The following CD300E variants were observed in gnomAD, a reference collection of about 807,000 sequenced individuals.
CD300E encodes CMRF35-like molecule 2.
In CD300E, 14 loss-of-function variants were observed where a neutral mutation model predicts 20.9. The observed-to-expected ratio is 0.67, with a 90% CI of 0.44 to 1.05. The LOEUF (loss-of-function observed/expected upper bound fraction) is 1.05. Among genes scored for constraint, CD300E ranks in the 50% least tolerant of loss-of-function variants. The pLI, the probability that CD300E is intolerant of heterozygous loss-of-function variation, is 0.00. For missense variants in CD300E, 237 were observed against 253.9 expected (o/e 0.93, Z 0.45); for synonymous variants, 102 against 103.7 (o/e 0.98, Z 0.10).
In CD300E at chr17:74,610,912, T is replaced by G. The variant is rs1291532767; in HGVS notation, c.*1741A>C. On this transcript the variant is annotated 3_prime_UTR_variant, in exon 4 of 4. Transcript: ENST00000392619. ...ACTTATGCTGTTTCTCTGTCCTCTCTCTCTCCCTGTTGCTCCATCCCTGCT... is the reference window on the plus strand; with the variant it reads ...ACTTATGCTGTTTCTCTGTCCTCTCGCTCTCCCTGTTGCTCCATCCCTGCT... 2 of 152,466 alleles carry G rather than the reference T, an allele frequency of 1.3e-5. No individual in the cohort carries two copies. Among genetic ancestry groups the G allele is most frequent in the African/African-American group, 4.8e-5 (2 of 41,450 alleles). 9.4% of individuals were successfully genotyped at this position (152,466 alleles called of 1,614,324 possible). A position where few individuals can be genotyped will look rare whatever the true frequency, so the allele number is the denominator to read the frequency against.
chr17:74,617,291 C>A lies in CD300E; in HGVS notation c.215G>T (p.Arg72Met). The A allele has an allele frequency of 6.2e-7, 1 of 1,614,248 alleles. No homozygotes were observed. Among genetic ancestry groups the A allele is most frequent in the East Asian group, 2.2e-5 (1 of 44,884 alleles). Reference sequence around the variant, plus strand: ...GTCTCTGATGGACACGCGGCCATTCCTCTCCACCTTCTCTTCTCCCTTGGT... The same window carrying A: ...GTCTCTGATGGACACGCGGCCATTCATCTCCACCTTCTCTTCTCCCTTGGT... ...VETKGEEKVE[R>M]NGRVSIRDHP... Residue 72 changes from arginine (R) to methionine (M), a missense_variant, in exon 2 of 4, where the codon AGG becomes ATG. Transcript: ENST00000392619.
chr17:74,619,608 TCA>T (rs143498126), intron 1 of CD300E, among the ~76,000 whole-genome samples: 4 of 149,912 alleles, frequency 2.7e-5, no homozygotes, highest in Non-Finnish European at 6.0e-5. Context: ...CTCCTCTCAA[TCA>T]CACACACACA....
intron 2 of CD300E, among the ~76,000 whole-genome samples, chr17:74,615,948 T>C (rs533612754): frequency 1.3e-5 from 2 of 151,958 alleles, no homozygotes; most frequent in Non-Finnish European, 2.9e-5. Context: ...TAGCCAGGCA[T>C]GGTAGTGCAC....
chr17:74,610,802 G>C lies in CD300E; in HGVS notation c.*1851C>G, dbSNP rs2030760011. On this transcript the variant is annotated 3_prime_UTR_variant, in exon 4 of 4. Coordinates refer to ENST00000392619, the MANE Select transcript of CD300E (RefSeq NM_181449.3). The stretch of plus-strand genomic sequence containing the variant: ...TAGACACATCCTACCATGAGCATCT[G>C]TATGTGAACAGTACAGTCCATTTGC... 1 of 152,252 alleles carries C rather than the reference G, an allele frequency of 6.6e-6. No homozygotes were observed. Among genetic ancestry groups the C allele is most frequent in the Non-Finnish European group, 1.5e-5 (1 of 68,064 alleles). 9.4% of individuals were successfully genotyped at this position (152,252 alleles called of 1,614,324 possible).
In CD300E at chr17:74,617,396, T is replaced by C. The variant is rs759347354; in HGVS notation, c.110A>G (p.Gln37Arg). 6.2e-7 allele frequency: 1 copy of C among 1,614,144 alleles called. No homozygotes were observed. The highest frequency in any genetic ancestry group is 8.5e-7 in the Non-Finnish European group (1 of 1,180,026). The change falls in exon 2 of 4, where the codon CAG becomes CGG. Residue 37 changes from glutamine (Q) to arginine (R), a missense_variant. Gln to Arg is a conservative substitution (Grantham distance 43). Transcript: ENST00000392619. ...TAGDSLTVWCQYESMYKGYNK... is the reference protein window; with the variant it reads ...TAGDSLTVWCRYESMYKGYNK... ...ATATCCCTTGTACATGCTCTCATAC[T>C]GACACCACACTGTCAGAGAGTCCCC...
chr17:74,619,067 C>T (rs1568035592), intron 1 of CD300E: 1 of 471,154 alleles, frequency 2.1e-6, no homozygotes, highest in Admixed American at 2.4e-5. Context: ...AGCTGCACAC[C>T]CCTCCTGAGA....
rs957638018 is a variant in CD300E at position 74,610,842 on chromosome 17, T to A, written c.*1811A>T. The A allele has an allele frequency of 5.9e-5, 9 of 152,336 alleles. No homozygotes were observed. The highest frequency in any genetic ancestry group is 1.2e-4 in the Non-Finnish European group (8 of 68,088). The allele number at this position is 152,336 out of a possible 1,614,324, so 9.4% of individuals were successfully genotyped here. On this transcript the variant is annotated 3_prime_UTR_variant, in exon 4 of 4. Coordinates refer to ENST00000392619, the MANE Select transcript of CD300E (RefSeq NM_181449.3). ...AGTCCATTTGCTGATAGGTCTTCTATAAGTGACTATTGTTATGAAGATTAT... is the reference window on the plus strand; with the variant it reads ...AGTCCATTTGCTGATAGGTCTTCTAAAAGTGACTATTGTTATGAAGATTAT...
rs1282124508 is a variant in CD300E, at chr17:74,610,638, G to T, written c.*2015C>A. 2 of 152,158 alleles carry T rather than the reference G, an allele frequency of 1.3e-5. No individual in the cohort carries two copies. The highest frequency in any genetic ancestry group is 3.9e-4 in the East Asian group (2 of 5,184). The allele number at this position is 152,158 out of a possible 1,614,324, so 9.4% of individuals were successfully genotyped here. ...CACATCTGCAATCCCATCTTGTTCT[G>T]CTCAAATCCATCCCACCATAGCTAA... On this transcript the variant is annotated 3_prime_UTR_variant, in exon 4 of 4. Coordinates refer to ENST00000392619, the MANE Select transcript of CD300E (RefSeq NM_181449.3).
chr17:74,622,739 C>T (rs577108541), intron 1 of CD300E, among the ~76,000 whole-genome samples: 315 of 38,550 alleles, frequency 8.2e-3, no homozygotes, highest in Non-Finnish European at 0.021. Flanking sequence ...TTGAGGATGG[C>T]ATTTTTTTTT....
intron 2 of CD300E, among the ~76,000 whole-genome samples, chr17:74,616,169 G>C (rs1262275028): frequency 1.3e-5 from 2 of 152,130 alleles, no homozygotes; most frequent in Non-Finnish European, 2.9e-5. Context: ...AGTGATGGGG[G>C]CAATAAATTG....
chr17:74,621,977 C>CT (rs928884848), intron 1 of CD300E, among the ~76,000 whole-genome samples: 6 of 151,948 alleles, frequency 3.9e-5, no homozygotes, highest in Non-Finnish European at 7.4e-5. Flanking sequence ...TTTTACTTTT[C>CT]TTTTTTTGTA....
rs552933181 is a variant in CD300E at position 74,617,993 on chromosome 17, C to T, written c.41-528G>A. 5.3e-5 allele frequency among the ~76,000 whole-genome samples: 8 copies of T among 152,314 alleles called. No individual in the cohort carries two copies. In the South Asian group the frequency reaches 1.7e-3, roughly 32 times the overall value. On this transcript the variant is annotated intron_variant, in intron 1 of 3. Transcript: ENST00000392619. ...GAAGAGGGGTTGTCCCCAAAGGAAG[C>T]CCTGATAAGCTTCTTTACCTGAATT...
intron 2 of CD300E, 36 bp downstream of exon 2, chr17:74,617,082 C>G: frequency 1.9e-6 from 3 of 1,595,444 alleles, no homozygotes; most frequent in Non-Finnish European, 2.6e-6. Flanking sequence ...CCAGTCGCAC[C>G]CCAAACCCTG....
intron 3 of CD300E, among the ~76,000 whole-genome samples, chr17:74,613,117 T>C (rs533419): frequency 0.87 from 131,873 of 152,160 alleles, 57,558 homozygotes; most frequent in African/African-American, 0.94. Context: ...GCTTTTTTTA[T>C]TTTCTGAGAC....
At chr17:74,617,766 G>A (rs1171867093) in intron 1 of CD300E, among the ~76,000 whole-genome samples, 5 of 152,208 alleles carry the variant, frequency 3.3e-5, no homozygotes, top group Non-Finnish European at 7.3e-5. Flanking sequence ...TGCAGCCTCT[G>A]CCAGGCATGA....
intron 2 of CD300E, among the ~76,000 whole-genome samples, chr17:74,615,861 G>A (rs2030888513): frequency 6.6e-6 from 1 of 152,188 alleles, no homozygotes; most frequent in Admixed American, 6.5e-5. Context: ...CAAAGCGGGT[G>A]GATGACTTGA....
Position 74,617,188 on chromosome 17 carries a change from A to G in CD300E, c.318T>C (p.Ile106=). The G allele has an allele frequency of 6.2e-7, 1 of 1,614,144 alleles. No individual in the cohort carries two copies. The highest frequency in any genetic ancestry group is 8.5e-7 in the Non-Finnish European group (1 of 1,180,040). The part of the protein sequence containing the change: ...EDDAGSYWCK[I]QTVWVLDSWS... ...ATGAATCCAGGACCCACACTGTCTG[A>G]ATTTTGCACCAGTAAGATCCAGCAT... Residue 106 remains isoleucine (I), a synonymous_variant, in exon 2 of 4, where the codon ATT becomes ATC. Transcript: ENST00000392619.
intron 1 of CD300E, among the ~76,000 whole-genome samples, chr17:74,620,156 G>A (rs951621219): frequency 6.6e-6 from 1 of 151,440 alleles, no homozygotes; most frequent in African/African-American, 2.4e-5. Context: ...GGCCAACATG[G>A]TGAAATCCTG....
intron 2 of CD300E, among the ~76,000 whole-genome samples, chr17:74,614,684 G>A (rs985418292): frequency 6.6e-6 from 1 of 152,148 alleles, no homozygotes; most frequent in Non-Finnish European, 1.5e-5. Context: ...GTTTCTCCAT[G>A]TTGATCAGGC....
Sources: allele counts gnomAD v4.1 joint callset (sites outside exome capture counted in the v4.1 genomes callset), GRCh38; gene constraint gnomAD v4.1.1; transcripts MANE v1.5; gene names NCBI Gene and HGNC (gene_info 2026-07-23, HGNC 2026-07-21).